Variants in CRPPA observed in about 807,000 individuals in gnomAD.
The protein encoded by CRPPA is CDP-L-ribitol pyrophosphorylase A, also known as D-ribitol-5-phosphate cytidylyltransferase.
In CRPPA, 43 loss-of-function variants were observed where a neutral mutation model predicts 52.0. The ratio of observed to expected loss-of-function variants is 0.83; its 90% CI spans 0.65 to 1.07. CRPPA has a LOEUF of 1.07. CRPPA is among the 50% of genes least tolerant of loss of function. The pLI, the probability that CRPPA is intolerant of heterozygous loss-of-function variation, is 0.00. For missense variants in CRPPA, 629 were observed against 551.7 expected (o/e 1.14, Z -1.40); for synonymous variants, 250 against 203.5 (o/e 1.23, Z -1.94).
chr7:16,252,046 T>C (rs1033353478), intron 8 of CRPPA, among the ~76,000 whole-genome samples: 1 of 152,130 alleles, frequency 6.6e-6, no homozygotes, highest in African/African-American at 2.4e-5. Flanking sequence ...ATAGAGAGCA[T>C]ATCACGACTG....
At chr7:16,269,917 C>T (rs979152983) in intron 6 of CRPPA, 2 of 152,080 alleles carry the variant, frequency 1.3e-5, no homozygotes, top group Admixed American at 6.5e-5. Context: ...AAATTAATGA[C>T]ATGAAGTGAA....
chr7:16,178,940 T>C (rs1781357686), intron 9 of CRPPA, among the ~76,000 whole-genome samples: 1 of 152,046 alleles, frequency 6.6e-6, no homozygotes, highest in Admixed American at 6.6e-5. Context: ...CTCTATTTAC[T>C]AGCAAGAAAT....
intron 2 of CRPPA, among the ~76,000 whole-genome samples, chr7:16,396,833 T>C (rs1787588048): frequency 6.6e-6 from 1 of 152,236 alleles, no homozygotes; most frequent in Admixed American, 6.5e-5. Context: ...TGGAATACGC[T>C]ATACGTATGT....
chr7:16,340,055 A>G (rs1785782931), intron 3 of CRPPA, among the ~76,000 whole-genome samples: 1 of 152,172 alleles, frequency 6.6e-6, no homozygotes, highest in African/African-American at 2.4e-5. Context: ...ATCCAGATGC[A>G]AAAAATAAAA....
chr7:16,296,796 C>G (rs530219602), intron 5 of CRPPA, among the ~76,000 whole-genome samples: 1 of 152,168 alleles, frequency 6.6e-6, no homozygotes, highest in Non-Finnish European at 1.5e-5. Flanking sequence ...GTCTAGAAAT[C>G]TGTCATTACA....
intron 5 of CRPPA, among the ~76,000 whole-genome samples, chr7:16,289,765 C>G (rs1784522212): frequency 6.6e-6 from 1 of 152,034 alleles, no homozygotes; most frequent in South Asian, 2.1e-4. Flanking sequence ...TCTAAGAGGA[C>G]AAGAAGAGGA....
intron 9 of CRPPA, among the ~76,000 whole-genome samples, chr7:16,096,270 A>C (rs1304800668): frequency 6.6e-6 from 1 of 151,356 alleles, no homozygotes; most frequent in African/African-American, 2.5e-5. Context: ...GCAGAAAGCA[A>C]AGATGCAGAA....
At chr7:16,338,563 C>T (rs1482646642) in intron 3 of CRPPA, among the ~76,000 whole-genome samples, 1 of 151,828 alleles carries the variant, frequency 6.6e-6, no homozygotes, top group African/African-American at 2.4e-5. Flanking sequence ...ATTACTAATA[C>T]CAAAATGGAA....
At chr7:16,389,928 A>AAAAATATATATATAT in intron 2 of CRPPA, among the ~76,000 whole-genome samples, 3 of 29,758 alleles carry the variant, frequency 1.0e-4, no homozygotes, top group Non-Finnish European at 1.6e-4. Context: ...AAAAAAAAAA[A>AAAAATATATATATAT]ATATATATAT....
intron 8 of CRPPA, among the ~76,000 whole-genome samples, chr7:16,233,954 C>A (rs1325137101): frequency 6.6e-6 from 1 of 151,760 alleles, no homozygotes; most frequent in African/African-American, 2.4e-5. Context: ...TGATCAACTG[C>A]AAGAAAAAAT....
At chr7:16,095,793 T>G (rs1781924133) in intron 9 of CRPPA, among the ~76,000 whole-genome samples, 1 of 152,192 alleles carries the variant, frequency 6.6e-6, no homozygotes, top group Non-Finnish European at 1.5e-5. Context: ...GCAGGCAGCA[T>G]GCCTGACAGG....
chr7:16,302,936 G>A (rs1784821520), intron 4 of CRPPA, among the ~76,000 whole-genome samples: 1 of 152,106 alleles, frequency 6.6e-6, no homozygotes, highest in Non-Finnish European at 1.5e-5. Flanking sequence ...CATTGTCAGG[G>A]TGTTGGGTTT....
chr7:16,276,122 C>T (rs557527126), intron 6 of CRPPA, among the ~76,000 whole-genome samples: 54 of 151,440 alleles, frequency 3.6e-4, no homozygotes, highest in African/African-American at 1.0e-3. Flanking sequence ...AAATAAAAGA[C>T]GGGAAGTAAG....
chr7:16,144,552 C>T (rs1259296135), intron 9 of CRPPA, among the ~76,000 whole-genome samples: 2 of 152,142 alleles, frequency 1.3e-5, no homozygotes, highest in Admixed American at 6.5e-5. Flanking sequence ...GGGCTTAGGG[C>T]GTAGGTACAA....
chr7:16,372,343 C>T (rs981219796), intron 3 of CRPPA, among the ~76,000 whole-genome samples: 2 of 152,172 alleles, frequency 1.3e-5, no homozygotes, highest in African/African-American at 4.8e-5. Context: ...AGACTAACAG[C>T]AGATTTCTCA....
intron 9 of CRPPA, among the ~76,000 whole-genome samples, chr7:16,102,024 G>A (rs558643637): frequency 3.9e-5 from 6 of 152,230 alleles, no homozygotes; most frequent in African/African-American, 1.4e-4. Context: ...AAAGAACAAA[G>A]CTGGAGGCAT....
chr7:16,222,909 C>G (rs1188787101), intron 8 of CRPPA, among the ~76,000 whole-genome samples: 1 of 152,118 alleles, frequency 6.6e-6, no homozygotes, highest in Non-Finnish European at 1.5e-5. Flanking sequence ...TCTAGGCTGA[C>G]CATCATCTTG....
intron 9 of CRPPA, among the ~76,000 whole-genome samples, chr7:16,172,553 G>C (rs1042660811): frequency 6.6e-6 from 1 of 152,178 alleles, no homozygotes; most frequent in Non-Finnish European, 1.5e-5. Context: ...GCCAGTATTG[G>C]AGTACTGAAT....
intron 9 of CRPPA, among the ~76,000 whole-genome samples, chr7:16,171,700 G>A (rs573126322): frequency 6.6e-6 from 1 of 152,216 alleles, no homozygotes; most frequent in Non-Finnish European, 1.5e-5. Flanking sequence ...GGCTGAGGCA[G>A]GAGAACTGCG....
Sources: gnomAD v4.1 joint callset for allele counts (sites outside exome capture counted in the v4.1 genomes callset) on GRCh38, gnomAD v4.1.1 for gene constraint, MANE v1.5 for transcripts, NCBI Gene and HGNC (gene_info 2026-07-23, HGNC 2026-07-21) for gene names.